The following HMGB1 variants were observed in gnomAD, a reference collection of about 807,000 sequenced individuals.
HMGB1 encodes high mobility group protein B1.
For synonymous variants in HMGB1, 81 were observed against 84.0 expected (o/e 0.96, Z 0.19); for missense variants, 79 against 253.5 (o/e 0.31, Z 4.67).
intron 1 of HMGB1, among the ~76,000 whole-genome samples, chr13:30,485,163 C>T (rs981016427): frequency 2.0e-5 from 3 of 151,640 alleles, no homozygotes; most frequent in Admixed American, 1.3e-4. Context: ...TCCCAAGTAG[C>T]TGGGACTACA....
rs1033441556 is a variant in HMGB1, at chr13:30,459,763, G to A, written c.*1594C>T. On this transcript the variant is annotated 3_prime_UTR_variant, in exon 5 of 5. Transcript: ENST00000341423. Reference sequence around the variant, plus strand: ...TGCCATCCCTTATACTTATTTAAAAGGTACTGCTAAGAGGTATTATTAGAA... The same window carrying A: ...TGCCATCCCTTATACTTATTTAAAAAGTACTGCTAAGAGGTATTATTAGAA... 7 of 152,054 alleles carry A rather than the reference G, an allele frequency of 4.6e-5. No homozygotes were observed. Among genetic ancestry groups the A allele is most frequent in the African/African-American group, 1.7e-4 (7 of 41,392 alleles). 9.4% of individuals were successfully genotyped at this position (152,054 alleles called of 1,614,324 possible).
At chr13:30,590,692 T>C (rs1305441603) in intron 1 of HMGB1, among the ~76,000 whole-genome samples, 2 of 152,212 alleles carry the variant, frequency 1.3e-5, no homozygotes, top group Admixed American at 6.5e-5. Context: ...TAATCCTCAA[T>C]GCAACAGTAT....
At chr13:30,534,721 G>A (rs551584175) in intron 1 of HMGB1, among the ~76,000 whole-genome samples, 2 of 151,526 alleles carry the variant, frequency 1.3e-5, no homozygotes, top group South Asian at 4.2e-4. Context: ...GGGATTATGG[G>A]CATGTGCCAC....
chr13:30,614,693 ATGTTTT>A (rs1054652742), intron 1 of HMGB1, among the ~76,000 whole-genome samples: 2 of 151,822 alleles, frequency 1.3e-5, no homozygotes, highest in African/African-American at 2.4e-5. Context: ...ACGAGTTGTC[ATGTTTT>A]TGTTTTTGTT....
chr13:30,476,616 C>A (rs936880463), intron 1 of HMGB1, among the ~76,000 whole-genome samples: 14 of 151,988 alleles, frequency 9.2e-5, no homozygotes, highest in Admixed American at 8.5e-4. Context: ...GTAATCCCAG[C>A]ATTTTGGGAG....
chr13:30,590,525 C>T (rs193219057), intron 1 of HMGB1, among the ~76,000 whole-genome samples: 34 of 152,214 alleles, frequency 2.2e-4, no homozygotes, highest in African/African-American at 7.5e-4. Flanking sequence ...TAAATAGCCA[C>T]GTGCGGGTAG....
chr13:30,506,920 G>A (rs916634986), intron 1 of HMGB1, among the ~76,000 whole-genome samples: 17 of 152,096 alleles, frequency 1.1e-4, no homozygotes. Flanking sequence ...CTCAGGAAAT[G>A]TGTGTCAGAA....
At chr13:30,577,923 C>G (rs1259373046) in intron 1 of HMGB1, among the ~76,000 whole-genome samples, 1 of 152,182 alleles carries the variant, frequency 6.6e-6, no homozygotes, top group Non-Finnish European at 1.5e-5. Context: ...AGGATAAAGT[C>G]CAAGCTTCCT....
intron 1 of HMGB1, chr13:30,553,818 G>C (rs1206704083): frequency 2.2e-6 from 3 of 1,363,912 alleles, no homozygotes; most frequent in Non-Finnish European, 3.1e-6. Flanking sequence ...TAGATACAGA[G>C]ATGTAAGCCC....
intron 1 of HMGB1, chr13:30,554,330 G>A: frequency 1.1e-6 from 1 of 927,604 alleles, no homozygotes; most frequent in Non-Finnish European, 1.8e-6. Context: ...CGAAGGCACT[G>A]GGTGCACGGG....
At chr13:30,461,786 T>C in intron 4 of HMGB1, 7 of 768,282 alleles carry the variant, frequency 9.1e-6, no homozygotes, top group Non-Finnish European at 1.2e-5. Flanking sequence ...CTCATTGAGG[T>C]GCAATTATGT....
chr13:30,504,794 G>T (rs1248358812), intron 1 of HMGB1, among the ~76,000 whole-genome samples: 1 of 150,896 alleles, frequency 6.6e-6, no homozygotes, highest in Non-Finnish European at 1.5e-5. Flanking sequence ...ACTGGCCAAA[G>T]ACTGGAGTTG....
At chr13:30,603,148 A>G (rs534329867) in intron 1 of HMGB1, among the ~76,000 whole-genome samples, 24 of 152,270 alleles carry the variant, frequency 1.6e-4, no homozygotes, top group Admixed American at 1.4e-3. Flanking sequence ...TCTCTCTGGC[A>G]AATTGTTTAG....
In HMGB1 at chr13:30,463,719, T is replaced by G. The variant is rs1202950806; in HGVS notation, c.-14-25A>C. ...TCTAAAAAATAAAATAAATATTTGA[T>G]GTTAGCAATAAAATTATGACATATA... is the stretch of plus-strand genomic sequence containing the variant. On this transcript the variant is annotated intron_variant, in intron 1 of 4. Transcript: ENST00000341423. 4.2e-6 allele frequency: 6 copies of G among 1,437,290 alleles called. No individual in the cohort carries two copies. In the East Asian group the frequency reaches 1.1e-4, roughly 28 times the overall value. 89.0% of individuals were successfully genotyped at this position (1,437,290 alleles called of 1,614,324 possible).
chr13:30,508,081 C>G (rs908711975), intron 1 of HMGB1, among the ~76,000 whole-genome samples: 2 of 152,132 alleles, frequency 1.3e-5, no homozygotes, highest in African/African-American at 4.8e-5. Flanking sequence ...CCATATCATA[C>G]TGGATGAAAA....
chr13:30,574,198 A>G (rs758686511), intron 1 of HMGB1, among the ~76,000 whole-genome samples: 1 of 152,204 alleles, frequency 6.6e-6, no homozygotes, highest in African/African-American at 2.4e-5. Context: ...GTCCAACTGG[A>G]ATTAATTTCT....
chr13:30,554,562 C>A, intron 1 of HMGB1: 1 of 779,354 alleles, frequency 1.3e-6, no homozygotes, highest in Non-Finnish European at 2.4e-6. Context: ...GAAAACTTAG[C>A]TCCTGCTTTT....
At chr13:30,565,082 CG>C in intron 1 of HMGB1, among the ~76,000 whole-genome samples, 1 of 152,220 alleles carries the variant, frequency 6.6e-6, no homozygotes, top group Admixed American at 6.5e-5. Context: ...TGAGAACATT[CG>C]GGCTCAGGAA....
At chr13:30,483,301 G>C in intron 1 of HMGB1, among the ~76,000 whole-genome samples, 1 of 151,902 alleles carries the variant, frequency 6.6e-6, no homozygotes, top group East Asian at 1.9e-4. Flanking sequence ...ACTTCCTCTG[G>C]GGGTCCTCTC....
Sources: allele counts gnomAD v4.1 joint callset (sites outside exome capture counted in the v4.1 genomes callset), GRCh38; gene constraint gnomAD v4.1.1; transcripts MANE v1.5; gene names NCBI Gene and HGNC (gene_info 2026-07-23, HGNC 2026-07-21).